The following SGO2 variants were observed in gnomAD, a reference collection of about 807,000 sequenced individuals.
SGO2 encodes the protein shugoshin 2.
SGO2 carries 68 observed loss-of-function variants against 99.5 expected under a neutral mutation model. The observed-to-expected ratio is 0.68, with a 90% CI of 0.56 to 0.84. The LOEUF is 0.84. SGO2 is among the 40% of genes least tolerant of loss of function. The pLI, the probability that SGO2 is intolerant of heterozygous loss-of-function variation, is 0.00. For synonymous variants in SGO2, 457 were observed against 487.1 expected (o/e 0.94, Z 0.81); for missense variants, 1,350 against 1,436.7 (o/e 0.94, Z 0.97).
chr2:200,581,354 C>T (rs2033839401), intron 8 of SGO2, among the ~76,000 whole-genome samples: 1 of 151,978 alleles, frequency 6.6e-6, no homozygotes, highest in South Asian at 2.1e-4. Context: ...CCATGTATCT[C>T]CTGTAGTTTT....
At chr2:200,579,520 A>G (rs1389964902) in intron 8 of SGO2, among the ~76,000 whole-genome samples, 1 of 152,162 alleles carries the variant, frequency 6.6e-6, no homozygotes, top group Non-Finnish European at 1.5e-5. Context: ...TATGTACATA[A>G]TTTACTAAGA....
chr2:200,567,430 T>C (rs954302284), intron 5 of SGO2, among the ~76,000 whole-genome samples: 3 of 152,250 alleles, frequency 2.0e-5, no homozygotes, highest in African/African-American at 7.2e-5. Context: ...TGTATTTACT[T>C]TTAAAAACAT....
chr2:200,547,516 A>G (rs767060236), intron 5 of SGO2, among the ~76,000 whole-genome samples: 7 of 152,210 alleles, frequency 4.6e-5, no homozygotes, highest in African/African-American at 9.7e-5. Flanking sequence ...ATGGTGTGCA[A>G]TCCACTCAAA....
intron 5 of SGO2, among the ~76,000 whole-genome samples, chr2:200,568,345 C>A (rs2033270082): frequency 6.6e-6 from 1 of 152,040 alleles, no homozygotes; most frequent in Non-Finnish European, 1.5e-5. Flanking sequence ...TTAGATTGCA[C>A]CTGGGTATTG....
chr2:200,546,178 T>TA (rs61255782), intron 5 of SGO2, among the ~76,000 whole-genome samples: 2,370 of 139,412 alleles, frequency 0.017, 75 homozygotes, highest in African/African-American at 0.057. Flanking sequence ...ATAGATTTGC[T>TA]AAAAAAAAAA....
chr2:200,527,361 A>C (rs1163187284), intron 1 of SGO2, among the ~76,000 whole-genome samples: 2 of 152,150 alleles, frequency 1.3e-5, no homozygotes, highest in Non-Finnish European at 2.9e-5. Flanking sequence ...GATGAACTAG[A>C]TTTCTATGTT....
At chr2:200,532,625 G>A (rs2031463911) in intron 1 of SGO2, among the ~76,000 whole-genome samples, 1 of 151,770 alleles carries the variant, frequency 6.6e-6, no homozygotes, top group Admixed American at 6.6e-5. Context: ...TTTAAACTCT[G>A]TGTATATCTC....
intron 2 of SGO2, among the ~76,000 whole-genome samples, chr2:200,534,488 C>G (rs2031590810): frequency 6.6e-6 from 1 of 152,140 alleles, no homozygotes; most frequent in Non-Finnish European, 1.5e-5. Flanking sequence ...AAGTATGGCT[C>G]TATCACTCAA....
intron 4 of SGO2, among the ~76,000 whole-genome samples, chr2:200,536,683 C>T (rs1002039347): frequency 1.3e-5 from 2 of 152,094 alleles, no homozygotes; most frequent in African/African-American, 4.8e-5. Context: ...GAGGTGAAGG[C>T]ACAGTATACA....
At chr2:200,528,843 C>A (rs908360754) in intron 1 of SGO2, among the ~76,000 whole-genome samples, 3 of 152,100 alleles carry the variant, frequency 2.0e-5, no homozygotes, top group Non-Finnish European at 2.9e-5. Flanking sequence ...GTCAGCGAGG[C>A]AGGAGAAAAT....
In SGO2 at chr2:200,542,578, G is replaced by A. The variant is rs763548468; in HGVS notation, c.388-1G>A. 1.2e-6 allele frequency: 2 copies of A among 1,607,720 alleles called. No individual in the cohort carries two copies. The highest frequency in any genetic ancestry group is 1.7e-6 in the Non-Finnish European group (2 of 1,177,174). Reference sequence around the variant, plus strand: ...GTTTTCTTTATTTTTTTCAAAAATAGTTCCATCAGAGTTCCTTTCTACTGT... The same window carrying A: ...GTTTTCTTTATTTTTTTCAAAAATAATTCCATCAGAGTTCCTTTCTACTGT... On this transcript the variant is annotated splice_acceptor_variant, in intron 4 of 8. Coordinates refer to ENST00000357799, the MANE Select transcript of SGO2 (RefSeq NM_152524.6). LOFTEE classifies it high-confidence loss of function.
At chr2:200,534,016 C>G (rs968992414) in intron 2 of SGO2, among the ~76,000 whole-genome samples, 7 of 152,124 alleles carry the variant, frequency 4.6e-5, no homozygotes, top group African/African-American at 1.4e-4. Flanking sequence ...TAGTCAGTTT[C>G]CATTTGCTAT....
intron 5 of SGO2, among the ~76,000 whole-genome samples, chr2:200,565,727 A>G (rs1319715263): frequency 6.6e-6 from 1 of 152,194 alleles, no homozygotes; most frequent in African/African-American, 2.4e-5. Context: ...GTCTTTTCAC[A>G]TAGTCCCATA....
At chr2:200,555,991 T>A in intron 5 of SGO2, among the ~76,000 whole-genome samples, 1 of 152,006 alleles carries the variant, frequency 6.6e-6, no homozygotes, top group Non-Finnish European at 1.5e-5. Flanking sequence ...TGAGACGGAG[T>A]CTCACTCTTG....
In SGO2 at chr2:200,571,486, A is replaced by G; in HGVS notation, c.1140A>G (p.Thr380=). The part of the protein sequence containing the change: ...SEVSKIVTVS[T]GIKKKSNKKT... The stretch of plus-strand genomic sequence containing the variant: ...TCAGCAAAATTGTCACAGTCTCAAC[A>G]GGCATTAAAAAGAAAAGTAATAAAA... Residue 380 remains threonine (T), a synonymous_variant, in exon 7 of 9, where the codon ACA becomes ACG. Transcript: ENST00000357799. 3 of 1,611,404 alleles carry G rather than the reference A, an allele frequency of 1.9e-6. No individual in the cohort carries two copies. Among genetic ancestry groups the G allele is most frequent in the Non-Finnish European group, 2.5e-6 (3 of 1,179,316 alleles).
intron 5 of SGO2, among the ~76,000 whole-genome samples, chr2:200,559,491 G>T (rs1417394106): frequency 6.6e-6 from 1 of 151,818 alleles, no homozygotes; most frequent in Non-Finnish European, 1.5e-5. Context: ...ACTCTTATTA[G>T]TTGCTTCTTG....
Position 200,572,255 on chromosome 2 carries a change from G to A in SGO2, c.1909G>A (p.Val637Met), listed in dbSNP as rs753768678. 9 of 1,612,350 alleles carry A rather than the reference G, an allele frequency of 5.6e-6. No homozygotes were observed. In the Admixed American group the frequency reaches 8.3e-5, roughly 15 times the overall value. Residue 637 changes from valine (V) to methionine (M), a missense_variant, in exon 7 of 9, where the codon GTG becomes ATG. By Grantham distance (21) the Val-to-Met change is conservative (BLOSUM62 1). Transcript: ENST00000357799. ...NHMYEDNDKD[V>M]VHGLKKGNFF... ...CATGTATGAGGATAATGATAAAGATGTGGTGCATGGCCTAAAAAAAGGTAA... is the reference window on the plus strand; with the variant it reads ...CATGTATGAGGATAATGATAAAGATATGGTGCATGGCCTAAAAAAAGGTAA...
intron 5 of SGO2, among the ~76,000 whole-genome samples, chr2:200,566,792 G>C (rs1461981084): frequency 6.6e-6 from 1 of 152,210 alleles, no homozygotes; most frequent in Non-Finnish European, 1.5e-5. Flanking sequence ...CCCCCAGCCT[G>C]GCTGCTGCCT....
intron 5 of SGO2, among the ~76,000 whole-genome samples, chr2:200,557,230 T>C (rs1269150433): frequency 2.0e-5 from 3 of 152,224 alleles, no homozygotes; most frequent in African/African-American, 7.2e-5. Context: ...CAGAAGGGAC[T>C]CTAACCCTCA....
Sources: gnomAD v4.1 joint callset for allele counts (sites outside exome capture counted in the v4.1 genomes callset) on GRCh38, gnomAD v4.1.1 for gene constraint, MANE v1.5 for transcripts, NCBI Gene and HGNC (gene_info 2026-07-23, HGNC 2026-07-21) for gene names.